ATR: variants seen among roughly 807,000 people sequenced by gnomAD.
ATR encodes the protein serine/threonine-protein kinase ATR.
ATR carries 142 observed loss-of-function variants against 305.3 expected under a neutral mutation model. The observed-to-expected ratio is 0.47, with a 90% CI of 0.41 to 0.53. The LOEUF is 0.53. Ranked by LOEUF, ATR falls within the 20% of genes least tolerant of loss-of-function variation. The pLI, the probability that ATR is intolerant of heterozygous loss-of-function variation, is 0.00. For synonymous variants in ATR, 1,050 were observed against 1,068.1 expected (o/e 0.98, Z 0.33); for missense variants, 2,135 against 3,133.1 (o/e 0.68, Z 7.60).
intron 26 of ATR, among the ~76,000 whole-genome samples, chr3:142,513,010 A>T: frequency 6.6e-6 from 1 of 152,214 alleles, no homozygotes; most frequent in East Asian, 1.9e-4. Context: ...TCAATAAATG[A>T]TAATGAAACT....
Position 142,540,975 on chromosome 3 carries a change from C to A in ATR, c.3510G>T (p.Val1170=). ...KLMGPKHVSS[V]RVKMMTTLRT... Reference sequence around the variant, plus strand: ...TCAGTGTGGTCATCATCTTCACCCTCACAGAACTGACATGTTTGGGTCCCA... The same window carrying A: ...TCAGTGTGGTCATCATCTTCACCCTAACAGAACTGACATGTTTGGGTCCCA... The change falls in exon 18 of 47, where the codon GTG becomes GTT. Residue 1170 remains valine (V), a synonymous_variant. Transcript: ENST00000350721. The A allele has an allele frequency of 6.2e-7, 1 of 1,613,672 alleles. No homozygotes were observed. The highest frequency in any genetic ancestry group is 8.5e-7 in the Non-Finnish European group (1 of 1,179,742).
chr3:142,558,001 A>C (rs1392026378), intron 8 of ATR, among the ~76,000 whole-genome samples: 1 of 152,200 alleles, frequency 6.6e-6, no homozygotes, highest in East Asian at 1.9e-4. Flanking sequence ...TCTTTTTAAA[A>C]TATTTCTCAA....
intron 1 of ATR, among the ~76,000 whole-genome samples, chr3:142,575,856 GA>G (rs1395258328): frequency 2.0e-5 from 3 of 152,232 alleles, no homozygotes; most frequent in Admixed American, 6.5e-5. Flanking sequence ...AAAAGGTGAT[GA>G]AGTCAGAGGC....
intron 31 of ATR, 129 bp from the exon 32 acceptor site, chr3:142,498,903 C>T: frequency 1.2e-6 from 1 of 865,746 alleles, no homozygotes; most frequent in South Asian, 1.5e-5. Context: ...TTTTTTGAGA[C>T]AGAGTCTCAC....
At chr3:142,532,628 A>G (rs2033700793) in intron 21 of ATR, among the ~76,000 whole-genome samples, 1 of 152,202 alleles carries the variant, frequency 6.6e-6, no homozygotes, top group African/African-American at 2.4e-5. Context: ...ATAGTTAAGT[A>G]TCTAATGCTA....
intron 6 of ATR, 131 bp downstream of exon 6, chr3:142,560,132 A>G: frequency 1.1e-6 from 1 of 872,808 alleles, no homozygotes; most frequent in Non-Finnish European, 1.9e-6. Context: ...TCAATAGAAA[A>G]TAAATTTATT....
chr3:142,527,607 C>G (rs2033448709), intron 21 of ATR, among the ~76,000 whole-genome samples: 1 of 152,098 alleles, frequency 6.6e-6, no homozygotes. Context: ...CATTTTTACT[C>G]ATTAATTAAT....
chr3:142,495,890 C>T (rs1408890358), intron 34 of ATR, among the ~76,000 whole-genome samples: 1 of 152,062 alleles, frequency 6.6e-6, no homozygotes, highest in African/African-American at 2.4e-5. Context: ...AGATGCTAGG[C>T]CCTTTCTGGC....
chr3:142,543,444 T>TCCTCCCTCCTTTCCTC (rs961435960), intron 16 of ATR, among the ~76,000 whole-genome samples: 1 of 146,924 alleles, frequency 6.8e-6, no homozygotes, highest in East Asian at 2.1e-4. Context: ...CGTCCTTTCT[T>TCCTCCCTCCTTTCCTC]CCTCCCTCCT....
At chr3:142,479,439 A>C (rs1452626605) in intron 36 of ATR, among the ~76,000 whole-genome samples, 2 of 152,122 alleles carry the variant, frequency 1.3e-5, no homozygotes, top group East Asian at 3.8e-4. Flanking sequence ...GGCTTGTAGA[A>C]TTTCTGCCGA....
At chr3:142,535,801 C>T (rs1461841083) in intron 20 of ATR, among the ~76,000 whole-genome samples, 3 of 152,104 alleles carry the variant, frequency 2.0e-5, no homozygotes, top group South Asian at 2.1e-4. Flanking sequence ...TAGGGTGTGC[C>T]GCTGTGGTAG....
chr3:142,506,333 T>G (rs964504400), intron 28 of ATR, among the ~76,000 whole-genome samples: 1 of 152,086 alleles, frequency 6.6e-6, no homozygotes, highest in Non-Finnish European at 1.5e-5. Flanking sequence ...TATGAAGAAG[T>G]TACATCTTGA....
At chr3:142,501,329 T>C (rs1453565163) in intron 30 of ATR, among the ~76,000 whole-genome samples, 1 of 152,228 alleles carries the variant, frequency 6.6e-6, no homozygotes, top group African/African-American at 2.4e-5. Flanking sequence ...ATAAAGTCTC[T>C]CAACTAATCT....
rs764501288 is a variant in ATR, at chr3:142,555,862, G to A, written c.2341+15C>T. 1 of 1,603,742 alleles carries A rather than the reference G, an allele frequency of 6.2e-7. No individual in the cohort carries two copies. The highest frequency in any genetic ancestry group is 2.2e-5 in the East Asian group (1 of 44,808). ...AAATAGGTTTTAAAGTATTAAATAA[G>A]TCATAATCACTCACCAAGTTTTACT... is the stretch of plus-strand genomic sequence containing the variant. On this transcript the variant is annotated intron_variant, in intron 10 of 46. Coordinates refer to ENST00000350721, the MANE Select transcript of ATR (RefSeq NM_001184.4).
At chr3:142,539,084 G>C (rs2033962356) in intron 18 of ATR, among the ~76,000 whole-genome samples, 1 of 152,096 alleles carries the variant, frequency 6.6e-6, no homozygotes, top group Non-Finnish European at 1.5e-5. Flanking sequence ...TGAAACAAGT[G>C]AACCTAACTA....
rs57120276 is a variant in ATR, at chr3:142,544,452, C to CAAAAAAA, written c.3358-1702_3358-1696dup. On this transcript the variant is annotated intron_variant, in intron 16 of 46. Coordinates refer to ENST00000350721, the MANE Select transcript of ATR (RefSeq NM_001184.4). ...GGGTGACAGAGCAAAATCCTGCCTCCAAAAAAAAAAAAAAAAAAAAAAAAA... is the reference window on the plus strand; with the variant it reads ...GGGTGACAGAGCAAAATCCTGCCTCCAAAAAAAAAAAAAAAAAAAAAAAAAAAAAAAA... 9.5e-4 allele frequency among the ~76,000 whole-genome samples: 18 copies of CAAAAAAA among 18,974 alleles called. 2 individuals are homozygous for CAAAAAAA. The highest frequency in any genetic ancestry group is 1.3e-3 in the African/African-American group (8 of 6,214). 12.4% of individuals were successfully genotyped at this position (18,974 alleles called of 152,430 possible). A position where few individuals can be genotyped will look rare whatever the true frequency, so the allele number is the denominator to read the frequency against.
intron 20 of ATR, among the ~76,000 whole-genome samples, chr3:142,535,671 T>C (rs541129871): frequency 1.3e-5 from 2 of 152,324 alleles, no homozygotes; most frequent in East Asian, 1.9e-4. Flanking sequence ...AGATTTAAGA[T>C]GCTGGAATTA....
chr3:142,503,003 C>T (rs1392664193), intron 30 of ATR, among the ~76,000 whole-genome samples: 3 of 152,140 alleles, frequency 2.0e-5, no homozygotes, highest in African/African-American at 7.2e-5. Context: ...AGTGGTATTC[C>T]GTAAATCAGT....
intron 35 of ATR, among the ~76,000 whole-genome samples, chr3:142,485,608 T>A (rs1232137643): frequency 6.6e-6 from 1 of 152,262 alleles, no homozygotes; most frequent in East Asian, 1.9e-4. Context: ...AATTTTTTTA[T>A]ACATATATAT....
Sources: allele counts gnomAD v4.1 joint callset (sites outside exome capture counted in the v4.1 genomes callset), GRCh38; gene constraint gnomAD v4.1.1; transcripts MANE v1.5; gene names NCBI Gene and HGNC (gene_info 2026-07-23, HGNC 2026-07-21).